ZC2HC1B: variants seen among roughly 807,000 people sequenced by gnomAD.
ZC2HC1B encodes the protein zinc finger C2HC domain-containing protein 1B.
ZC2HC1B carries 36 observed loss-of-function variants against 31.0 expected under a neutral mutation model. That is an observed-to-expected ratio of 1.16 (90% CI 0.89 to 1.54). ZC2HC1B has a LOEUF of 1.54. Ranked by LOEUF, ZC2HC1B falls within the 40% of genes most tolerant of loss-of-function variation. The pLI, the probability that ZC2HC1B is intolerant of heterozygous loss-of-function variation, is 0.00. For missense variants in ZC2HC1B, 260 were observed against 268.6 expected (o/e 0.97, Z 0.22); for synonymous variants, 73 against 88.0 (o/e 0.83, Z 0.95).
chr6:143,874,494 A>G (rs1777383607), intron 1 of ZC2HC1B, among the ~76,000 whole-genome samples: 1 of 152,244 alleles, frequency 6.6e-6, no homozygotes, highest in South Asian at 2.1e-4. Context: ...TGATAAAGAC[A>G]TACCTGAGAC....
chr6:143,877,563 G>A lies in ZC2HC1B; in HGVS notation c.29-6741G>A, dbSNP rs186587796. ...CTCCCAAAGTGCTGGGATTACAGGC[G>A]TGAGCCACTGTGCCCAGCAAGACTT... is the stretch of plus-strand genomic sequence containing the variant. On this transcript the variant is annotated intron_variant, in intron 1 of 7. Transcript: ENST00000237275. Among the ~76,000 whole-genome samples, 152 of 150,182 alleles carry A rather than the reference G, an allele frequency of 1.0e-3. 5 individuals carry two copies. Among genetic ancestry groups the A allele is most frequent in the African/African-American group, 3.5e-3 (144 of 40,776 alleles).
At position 143,869,593 on chromosome 6, in the gene ZC2HC1B, A is replaced by G. The variant is rs368132738; in HGVS notation, c.28+5026A>G. Among the ~76,000 whole-genome samples the G allele has an allele frequency of 7.9e-5, 12 of 152,228 alleles. No homozygotes were observed. Among genetic ancestry groups the G allele is most frequent in the East Asian group, 5.8e-4 (3 of 5,196 alleles). On this transcript the variant is annotated intron_variant, in intron 1 of 7. Coordinates refer to ENST00000237275, the MANE Select transcript of ZC2HC1B (RefSeq NM_001013623.3). This position sits in a 1 kb window ranked among gnomAD's most constrained non-coding sequence, Gnocchi z 5.2. The stretch of plus-strand genomic sequence containing the variant: ...TTGGCAGAAGCATTGCATGGAGGAT[A>G]GGCAAACCCATATCCAGAGTGAGTG...
At position 143,887,290 on chromosome 6, in the gene ZC2HC1B, G is replaced by A. The variant is rs1438237197; in HGVS notation, c.349+469G>A. Among the ~76,000 whole-genome samples the A allele has an allele frequency of 6.6e-6, 1 of 152,138 alleles. No individual in the cohort carries two copies. Among genetic ancestry groups the A allele is most frequent in the Non-Finnish European group, 1.5e-5 (1 of 68,024 alleles). On this transcript the variant is annotated intron_variant, in intron 4 of 7. Coordinates refer to ENST00000237275, the MANE Select transcript of ZC2HC1B (RefSeq NM_001013623.3). The surrounding 1 kb of genome is among the most constrained non-coding windows in gnomAD (Gnocchi z 5.1). ...TTTAAAAATCTACAGAAAAGAGGAA[G>A]GAATAGTACACATGCCCTCCACTGA...
chr6:143,911,022 G>A lies in ZC2HC1B; in HGVS notation c.598+7870G>A, dbSNP rs1582968741. Among the ~76,000 whole-genome samples the A allele has an allele frequency of 6.6e-6, 1 of 152,322 alleles. No homozygotes were observed. Among genetic ancestry groups the A allele is most frequent in the Non-Finnish European group, 1.5e-5 (1 of 68,036 alleles). The stretch of plus-strand genomic sequence containing the variant: ...CCTGCCTCGGCCTCCCAAAGTGCTA[G>A]GATTACAGGCATGAGCCACTGCGCC... On this transcript the variant is annotated intron_variant, in intron 6 of 7. Coordinates refer to ENST00000237275, the MANE Select transcript of ZC2HC1B (RefSeq NM_001013623.3). The surrounding 1 kb of genome is among the most constrained non-coding windows in gnomAD (Gnocchi z 4.5).
intron 4 of ZC2HC1B, among the ~76,000 whole-genome samples, chr6:143,893,645 A>G (rs1427082461): frequency 6.6e-6 from 1 of 152,208 alleles, no homozygotes; most frequent in African/African-American, 2.4e-5. Context: ...CACTGCTGAT[A>G]GAAGTATAAA....
At chr6:143,937,787 T>C (rs546082842) in intron 7 of ZC2HC1B, 54 bp downstream of exon 7, 444 of 1,363,360 alleles carry the variant, frequency 3.3e-4, no homozygotes, top group Non-Finnish European at 4.1e-4. Flanking sequence ...TTAATGACTT[T>C]TAAGAGAATG....
rs746625596 is a variant in ZC2HC1B, at chr6:143,876,005, G to T, written c.29-8299G>T. ...CCATATGTCCCCATTCAAAGTTGCA[G>T]GGTCCCATTCTTTTCTAATCAATTC... On this transcript the variant is annotated intron_variant, in intron 1 of 7. Coordinates refer to ENST00000237275, the MANE Select transcript of ZC2HC1B (RefSeq NM_001013623.3). Among the ~76,000 whole-genome samples, 12 of 150,726 alleles carry T rather than the reference G, an allele frequency of 8.0e-5. 1 individual carries two copies. The highest frequency in any genetic ancestry group is 3.2e-3 in the Middle Eastern group (1 of 314).
chr6:143,902,168 G>C (rs1777745273), intron 5 of ZC2HC1B, among the ~76,000 whole-genome samples: 1 of 152,150 alleles, frequency 6.6e-6, no homozygotes, highest in Non-Finnish European at 1.5e-5. Flanking sequence ...AGCCGTATTT[G>C]TTTCCTTTGT....
At chr6:143,894,363 T>G (rs889943553) in intron 4 of ZC2HC1B, among the ~76,000 whole-genome samples, 1 of 152,210 alleles carries the variant, frequency 6.6e-6, no homozygotes, top group African/African-American at 2.4e-5. Context: ...GGGAACTTTT[T>G]GGGGTGACGA....
Position 143,865,827 on chromosome 6 carries a change from T to A in ZC2HC1B, c.28+1260T>A, listed in dbSNP as rs1366467472. On this transcript the variant is annotated intron_variant, in intron 1 of 7. Transcript: ENST00000237275. This position sits in a 1 kb window ranked among gnomAD's most constrained non-coding sequence, Gnocchi z 4.4. ...AAGAATTTGTATCTTAAACTTTTTTTTTTTGCCAAGACAGGTCTTGCTCTG... is the reference window on the plus strand; with the variant it reads ...AAGAATTTGTATCTTAAACTTTTTTATTTTGCCAAGACAGGTCTTGCTCTG... Among the ~76,000 whole-genome samples, 1 of 152,164 alleles carries A rather than the reference T, an allele frequency of 6.6e-6. No homozygotes were observed. Among genetic ancestry groups the A allele is most frequent in the Non-Finnish European group, 1.5e-5 (1 of 68,020 alleles).
At chr6:143,880,633 G>A (rs1250643363) in intron 1 of ZC2HC1B, among the ~76,000 whole-genome samples, 2 of 151,996 alleles carry the variant, frequency 1.3e-5, no homozygotes, top group African/African-American at 4.8e-5. Context: ...TTTTGGCTTT[G>A]CAGGTCATAT....
chr6:143,930,401 T>C (rs79809694), intron 6 of ZC2HC1B, among the ~76,000 whole-genome samples: 4 of 103,372 alleles, frequency 3.9e-5, no homozygotes, highest in South Asian at 3.6e-4. Flanking sequence ...TTTTTTTTTT[T>C]CCTGAGACGG....
intron 6 of ZC2HC1B, among the ~76,000 whole-genome samples, chr6:143,936,079 T>C (rs979208204): frequency 1.2e-4 from 18 of 152,174 alleles, no homozygotes; most frequent in Non-Finnish European, 2.4e-4. Context: ...AAATAAGCAT[T>C]TAGTATCTTG....
At chr6:143,912,846 A>T (rs1476753132) in intron 6 of ZC2HC1B, among the ~76,000 whole-genome samples, 1 of 151,998 alleles carries the variant, frequency 6.6e-6, no homozygotes, top group Non-Finnish European at 1.5e-5. Flanking sequence ...CAAGCTGAGA[A>T]GCCAAATGGC....
chr6:143,903,225 C>A lies in ZC2HC1B; in HGVS notation c.598+73C>A. ...AGATCACTGTTGGGTTTGGGATTCACTGGTAGTCTGCAAAAGCTCTAAGAC... is the reference window on the plus strand; with the variant it reads ...AGATCACTGTTGGGTTTGGGATTCAATGGTAGTCTGCAAAAGCTCTAAGAC... On this transcript the variant is annotated intron_variant, in intron 6 of 7. Coordinates refer to ENST00000237275, the MANE Select transcript of ZC2HC1B (RefSeq NM_001013623.3). The surrounding 1 kb of genome is among the most constrained non-coding windows in gnomAD (Gnocchi z 4.3). The A allele has an allele frequency of 7.6e-7, 1 of 1,317,020 alleles. No homozygotes were observed. The highest frequency in any genetic ancestry group is 1.1e-6 in the Non-Finnish European group (1 of 934,874). The allele number at this position is 1,317,020 out of a possible 1,614,324, so 81.6% of individuals were successfully genotyped here. A position where few individuals can be genotyped will look rare whatever the true frequency, so the allele number is the denominator to read the frequency against.
rs138381091 is a variant in ZC2HC1B at position 143,917,613 on chromosome 6, C to A, written c.598+14461C>A. ...TTTATACAGGTTGAATGCTCCTAAT[C>A]TAAAAATCTGAAATCTAAAATGCTC... On this transcript the variant is annotated intron_variant, in intron 6 of 7. Coordinates refer to ENST00000237275, the MANE Select transcript of ZC2HC1B (RefSeq NM_001013623.3). This position sits in a 1 kb window ranked among gnomAD's most constrained non-coding sequence, Gnocchi z 4.1. Among the ~76,000 whole-genome samples, 1 of 152,292 alleles carries A rather than the reference C, an allele frequency of 6.6e-6. No homozygotes were observed. The highest frequency in any genetic ancestry group is 1.9e-4 in the East Asian group (1 of 5,194).
At chr6:143,880,543 C>T (rs751163965) in intron 1 of ZC2HC1B, among the ~76,000 whole-genome samples, 1 of 151,974 alleles carries the variant, frequency 6.6e-6, no homozygotes, top group Non-Finnish European at 1.5e-5. Flanking sequence ...GTTATTCTCC[C>T]ACAAATTCCT....
intron 1 of ZC2HC1B, among the ~76,000 whole-genome samples, chr6:143,873,329 C>A (rs1421238569): frequency 2.6e-5 from 4 of 152,192 alleles, no homozygotes; most frequent in African/African-American, 9.7e-5. Context: ...CAGGGTACAG[C>A]CTCCTTCCTG....
rs1778155789 is a variant in ZC2HC1B at position 143,934,589 on chromosome 6, T to C, written c.599-3060T>C. The stretch of plus-strand genomic sequence containing the variant: ...CAGTCACTTCTTCCAATTTTTGAAT[T>C]GGCCTTCATAGGAAAGACTTCTTCC... On this transcript the variant is annotated intron_variant, in intron 6 of 7. Transcript: ENST00000237275. The surrounding 1 kb of genome is among the most constrained non-coding windows in gnomAD (Gnocchi z 4.6). Among the ~76,000 whole-genome samples, 1 of 152,224 alleles carries C rather than the reference T, an allele frequency of 6.6e-6. No individual in the cohort carries two copies. The highest frequency in any genetic ancestry group is 2.4e-5 in the African/African-American group (1 of 41,456).
Sources: gnomAD v4.1 joint callset for allele counts (sites outside exome capture counted in the v4.1 genomes callset) on GRCh38, gnomAD v4.1.1 for gene constraint, Gnocchi (gnomAD v3.1) non-coding constraint, MANE v1.5 for transcripts, NCBI Gene and HGNC (gene_info 2026-07-23, HGNC 2026-07-21) for gene names.